Variants in COL5A3 observed in about 807,000 individuals in gnomAD.
The protein encoded by COL5A3 is collagen alpha-3(V) chain.
A neutral mutation model predicts 250.0 loss-of-function variants in COL5A3; 172 were observed. That is an observed-to-expected ratio of 0.69 (90% CI 0.61 to 0.78). The LOEUF (loss-of-function observed/expected upper bound fraction) is 0.78. Ranked by LOEUF, COL5A3 falls within the 30% of genes least tolerant of loss-of-function variation. The pLI, the probability that COL5A3 is intolerant of heterozygous loss-of-function variation, is 0.00. For missense variants in COL5A3, 2,340 were observed against 2,334.4 expected (o/e 1.00, Z -0.05); for synonymous variants, 937 against 900.4 (o/e 1.04, Z -0.73).
At position 9,989,372 on chromosome 19, in the gene COL5A3, G is replaced by A; in HGVS notation, c.2047-6C>T. The A allele has an allele frequency of 6.2e-7, 1 of 1,614,180 alleles. No homozygotes were observed. Among genetic ancestry groups the A allele is most frequent in the Non-Finnish European group, 8.5e-7 (1 of 1,180,014 alleles). On this transcript the variant is annotated splice_polypyrimidine_tract_variant and splice_region_variant and intron_variant, in intron 25 of 66. Transcript: ENST00000264828. ...CCCTCATGTCCTGGGTGACCCTGGGGAAGAAACATTCTCAGTTGTCAGAGA... is the reference window on the plus strand; with the variant it reads ...CCCTCATGTCCTGGGTGACCCTGGGAAAGAAACATTCTCAGTTGTCAGAGA...
At chr19:9,974,513 G>A (rs1428798947) in intron 45 of COL5A3, 105 bp from the exon 46 acceptor site, 2 of 857,910 alleles carry the variant, frequency 2.3e-6, no homozygotes, top group Non-Finnish European at 3.5e-6. Context: ...TCAGGGTTCA[G>A]ATTAAGTTTA....
intron 37 of COL5A3, 46 bp downstream of exon 37, chr19:9,979,791 GAA>G (rs60233060): frequency 0.21 from 271,166 of 1,321,634 alleles, 10,196 homozygotes; most frequent in South Asian, 0.29. Flanking sequence ...GTCTCAAAAA[GAA>G]AAAAAAAAAA....
intron 64 of COL5A3, among the ~76,000 whole-genome samples, chr19:9,963,783 C>A (rs1199118916): frequency 6.6e-6 from 1 of 152,120 alleles, no homozygotes; most frequent in East Asian, 1.9e-4. Context: ...GTCTTGCACT[C>A]CGGGCCCAGT....
chr19:10,010,208 C>A, intron 1 of COL5A3, 90 bp downstream of exon 1: 1 of 803,884 alleles, frequency 1.2e-6, no homozygotes, highest in Non-Finnish European at 1.7e-6. Context: ...CCCTTCCCCT[C>A]CACGCCCCTC....
At chr19:9,963,026 C>T in intron 64 of COL5A3, 139 bp from the exon 65 acceptor site, 1 of 652,514 alleles carries the variant, frequency 1.5e-6, no homozygotes, top group Non-Finnish European at 2.7e-6. Flanking sequence ...CGAGCTCTGC[C>T]AGTGCACAAT....
intron 65 of COL5A3, among the ~76,000 whole-genome samples, chr19:9,962,111 C>CT (rs200363567): frequency 0.022 from 3,056 of 142,000 alleles, 41 homozygotes; most frequent in East Asian, 0.082. Context: ...CTTAATAATG[C>CT]TTTTTTTTTT....
chr19:9,996,908 G>A, intron 11 of COL5A3: 2 of 563,840 alleles, frequency 3.5e-6, no homozygotes, highest in Non-Finnish European at 6.2e-6. Flanking sequence ...GAAGGGGAGA[G>A]AGGGATGGAG....
chr19:9,978,821 A>G (rs2086962661), intron 40 of COL5A3, 70 bp downstream of exon 40: 1 of 1,067,172 alleles, frequency 9.4e-7, no homozygotes, highest in East Asian at 2.9e-5. Context: ...GCTATTCCCC[A>G]TCCCTCCCCT....
At chr19:9,998,291 G>A (rs2087303222) in intron 8 of COL5A3, 142 bp from the exon 9 acceptor site, 2 of 830,240 alleles carry the variant, frequency 2.4e-6, no homozygotes, top group East Asian at 2.6e-5. Context: ...CTCCTCTACT[G>A]TAACCAATAT....
chr19:10,003,212 T>C (rs1308103728), intron 6 of COL5A3, among the ~76,000 whole-genome samples: 1 of 152,130 alleles, frequency 6.6e-6, no homozygotes, highest in Non-Finnish European at 1.5e-5. Context: ...ACCCAGCCAA[T>C]GATCCCCCCT....
rs1211752165 is a variant in COL5A3, at chr19:9,966,716, T to G, written c.4489A>C (p.Arg1497=). 1.3e-6 allele frequency: 2 copies of G among 1,536,124 alleles called. No individual in the cohort carries two copies. The highest frequency in any genetic ancestry group is 1.7e-6 in the Non-Finnish European group (2 of 1,146,976). Residue 1497 remains arginine (R), a synonymous_variant, in exon 63 of 67, where the codon AGG becomes CGG. Transcript: ENST00000264828. The part of the protein sequence containing the change: ...GAPAELHGLR[R]RRRFVPVPLP... ...GGGACTGGGACGAAGCGCCGGCGCCTGCGCAGCCCATGCAGCTCGGCAGGG... is the reference window on the plus strand; with the variant it reads ...GGGACTGGGACGAAGCGCCGGCGCCGGCGCAGCCCATGCAGCTCGGCAGGG...
At chr19:9,998,986 T>A (rs949217113) in intron 8 of COL5A3, among the ~76,000 whole-genome samples, 4 of 141,984 alleles carry the variant, frequency 2.8e-5, no homozygotes, top group Non-Finnish European at 5.9e-5. Context: ...GCTTGGCTCC[T>A]TCCTTCCTTC....
intron 65 of COL5A3, among the ~76,000 whole-genome samples, chr19:9,961,405 C>T (rs147797810): frequency 2.1e-4 from 32 of 151,984 alleles, no homozygotes; most frequent in African/African-American, 4.3e-4. Flanking sequence ...TGCTCTTTCG[C>T]GCAAGTTGGG....
chr19:9,972,968 G>T lies in COL5A3; in HGVS notation c.3725C>A (p.Pro1242His). 1 of 1,611,994 alleles carries T rather than the reference G, an allele frequency of 6.2e-7. No homozygotes were observed. The highest frequency in any genetic ancestry group is 8.5e-7 in the Non-Finnish European group (1 of 1,179,216). ...TCCAGGGGGACCTTTCTTGCCTGGG[G>T]GTCCAGCAGCTCCAGATGGGCCTGA... ...GDSGPSGAAG[P>H]PGKKGPPGED... is the part of the protein sequence containing the mutation. The change falls in exon 51 of 67, where the codon CCC (proline) becomes CAC (histidine). Residue 1242 changes from proline to histidine, a missense_variant. Pro to His is a moderately conservative substitution (Grantham distance 77). Coordinates refer to ENST00000264828, the MANE Select transcript of COL5A3 (RefSeq NM_015719.4).
chr19:9,989,392 C>G, intron 25 of COL5A3, 26 bp from the exon 26 acceptor site: 1 of 1,614,142 alleles, frequency 6.2e-7, no homozygotes, highest in Non-Finnish European at 8.5e-7. Flanking sequence ...TCTCAGTTGT[C>G]AGAGACCAAA....
chr19:9,960,280 C>G lies in COL5A3; in HGVS notation c.*131G>C. ...CTGGAAAGGAGAAGGAATGACTGTCCGTGATGAGCGAAGTCACATCCCATT... is the reference window on the plus strand; with the variant it reads ...CTGGAAAGGAGAAGGAATGACTGTCGGTGATGAGCGAAGTCACATCCCATT... On this transcript the variant is annotated 3_prime_UTR_variant, in exon 67 of 67. Transcript: ENST00000264828. 1 of 1,129,504 alleles carries G rather than the reference C, an allele frequency of 8.9e-7. No individual in the cohort carries two copies. The highest frequency in any genetic ancestry group is 1.5e-5 in the South Asian group (1 of 68,376). 70.0% of individuals were successfully genotyped at this position (1,129,504 alleles called of 1,614,324 possible).
chr19:9,986,732 CT>C lies in COL5A3; in HGVS notation c.2171del (p.Gln724ArgfsTer91). ...VKGTSGNRGL[Q>X]GEKGEKGEDG... Reference sequence around the variant, plus strand: ...TCCTCACCTTCTCGCCTTTCTCCCCCTGGAGGCCCCGGTTGCCTGAAGTGCC... The same window carrying C: ...TCCTCACCTTCTCGCCTTTCTCCCCCGGAGGCCCCGGTTGCCTGAAGTGCC... On this transcript the variant is annotated frameshift_variant, in exon 28 of 67. Coordinates refer to ENST00000264828, the MANE Select transcript of COL5A3 (RefSeq NM_015719.4). LOFTEE classifies it high-confidence loss of function. The C allele has an allele frequency of 1.2e-6, 2 of 1,613,214 alleles. No individual in the cohort carries two copies. The highest frequency in any genetic ancestry group is 1.7e-6 in the Non-Finnish European group (2 of 1,179,904).
intron 1 of COL5A3, among the ~76,000 whole-genome samples, chr19:10,007,699 G>C (rs66516040): frequency 1.3e-5 from 2 of 151,956 alleles, no homozygotes; most frequent in East Asian, 1.9e-4. Context: ...GAGCTGGGGC[G>C]GGGGGGCTAA....
At chr19:9,998,172 GGA>G (rs747495421) in intron 8 of COL5A3, 23 bp from the exon 9 acceptor site, 1 of 1,600,428 alleles carries the variant, frequency 6.2e-7, no homozygotes, top group Non-Finnish European at 8.5e-7. Flanking sequence ...CAGGGGAGAT[GGA>G]GAGAAAAGAG....
Sources: allele counts gnomAD v4.1 joint callset (sites outside exome capture counted in the v4.1 genomes callset), GRCh38; gene constraint gnomAD v4.1.1; transcripts MANE v1.5; gene names NCBI Gene and HGNC (gene_info 2026-07-23, HGNC 2026-07-21).